Variants in MEMO1 observed in about 807,000 individuals in gnomAD.
MEMO1 encodes protein MEMO1.
Under a neutral mutation model 45.2 loss-of-function variants are expected in MEMO1, and 6 were observed. That is an observed-to-expected ratio of 0.13 (90% confidence interval 0.07 to 0.26). MEMO1 has a LOEUF of 0.26. Among genes scored for constraint, MEMO1 ranks in the 10% least tolerant of loss-of-function variants. The pLI is 1.00. For missense variants in MEMO1, 184 were observed against 370.5 expected (o/e 0.50, Z 4.13); for synonymous variants, 78 against 124.3 (o/e 0.63, Z 2.48).
intron 6 of MEMO1, among the ~76,000 whole-genome samples, chr2:31,901,898 G>C (rs544520158): frequency 1.3e-5 from 2 of 150,060 alleles, no homozygotes; most frequent in African/African-American, 2.5e-5. Flanking sequence ...GACAGAGCAA[G>C]ACTTCATCTC....
intron 6 of MEMO1, among the ~76,000 whole-genome samples, chr2:31,914,336 T>C (rs999724295): frequency 4.6e-5 from 7 of 152,086 alleles, no homozygotes; most frequent in Non-Finnish European, 1.0e-4. Flanking sequence ...AGAAGGATGA[T>C]TACCAGAGGC....
At chr2:31,994,062 G>A (rs906200342) in intron 2 of MEMO1, among the ~76,000 whole-genome samples, 1 of 138,268 alleles carries the variant, frequency 7.2e-6, no homozygotes, top group Non-Finnish European at 1.5e-5. Flanking sequence ...CCAGGTTCAA[G>A]TGATTCTTCT....
At chr2:31,973,999 G>A (rs1437189164) in intron 2 of MEMO1, among the ~76,000 whole-genome samples, 1 of 152,072 alleles carries the variant, frequency 6.6e-6, no homozygotes, top group Non-Finnish European at 1.5e-5. Flanking sequence ...AAAGAAAAAA[G>A]ACAATTTAGA....
intron 4 of MEMO1, among the ~76,000 whole-genome samples, chr2:31,927,837 A>G (rs768556667): frequency 2.0e-5 from 3 of 152,144 alleles, no homozygotes; most frequent in Non-Finnish European, 4.4e-5. Context: ...GGTGTCCTTA[A>G]TAAGTTAAGG....
chr2:31,975,615 A>C (rs896910032), intron 2 of MEMO1, among the ~76,000 whole-genome samples: 1 of 152,212 alleles, frequency 6.6e-6, no homozygotes, highest in African/African-American at 2.4e-5. Flanking sequence ...CACTTTAATG[A>C]TGAGCTAAGA....
chr2:31,996,154 G>A (rs769698838), intron 2 of MEMO1, among the ~76,000 whole-genome samples: 13 of 151,484 alleles, frequency 8.6e-5, no homozygotes, highest in Non-Finnish European at 8.8e-5. Context: ...TAGCACTTTC[G>A]GAGGGAGGAA....
chr2:31,974,914 T>TA (rs1323304455), intron 2 of MEMO1, among the ~76,000 whole-genome samples: 1 of 152,154 alleles, frequency 6.6e-6, no homozygotes, highest in African/African-American at 2.4e-5. Flanking sequence ...CTCATGCCTG[T>TA]AATCCCTGCA....
Position 31,915,732 on chromosome 2 carries a change from T to C in MEMO1, c.437+2194A>G, listed in dbSNP as rs544794348. Among the ~76,000 whole-genome samples the C allele has an allele frequency of 5.3e-5, 8 of 152,306 alleles. No homozygotes were observed. The South Asian group carries it at 1.5e-3, about 28-fold the overall frequency. ...GACACAGGAGTGATGCTATCTGAGA[T>C]ACTGTAGCCCCATTTGAGCCACCTA... On this transcript the variant is annotated intron_variant, in intron 6 of 9. Coordinates refer to ENST00000404530, the MANE Select transcript of MEMO1 (RefSeq NM_001301833.4).
intron 2 of MEMO1, among the ~76,000 whole-genome samples, chr2:31,943,939 G>A (rs13018592): frequency 0.15 from 22,631 of 151,992 alleles, 1,919 homozygotes; most frequent in African/African-American, 0.22. Context: ...AATTTTTCCA[G>A]TTCACTACCA....
At chr2:31,913,260 A>AG (rs1680883432) in intron 6 of MEMO1, among the ~76,000 whole-genome samples, 2 of 151,522 alleles carry the variant, frequency 1.3e-5, no homozygotes, top group South Asian at 4.1e-4. Flanking sequence ...AAAAAAAAAA[A>AG]AAAAAAAAAA....
At chr2:31,963,445 CCA>C in intron 2 of MEMO1, 1 of 616,452 alleles carries the variant, frequency 1.6e-6, no homozygotes, top group Non-Finnish European at 2.3e-6. Flanking sequence ...AAAATATTCC[CCA>C]GTTACTTTTG....
chr2:31,923,570 G>A (rs920894681), intron 4 of MEMO1: 29 of 1,401,402 alleles, frequency 2.1e-5, no homozygotes, highest in African/African-American at 7.4e-5. Flanking sequence ...AAAGGCTTAC[G>A]TGGGCTATAG....
At position 31,888,276 on chromosome 2, in the gene MEMO1, T is replaced by C. The variant is rs562330382; in HGVS notation, c.580+3716A>G. ...TCAGCCTCCCACATAGCTAGGACTATAGGCACAAACTACCATACCCGGTTC... is the reference window on the plus strand; with the variant it reads ...TCAGCCTCCCACATAGCTAGGACTACAGGCACAAACTACCATACCCGGTTC... On this transcript the variant is annotated intron_variant, in intron 7 of 9. Coordinates refer to ENST00000404530, the MANE Select transcript of MEMO1 (RefSeq NM_001301833.4). Among the ~76,000 whole-genome samples, 121 of 152,164 alleles carry C rather than the reference T, an allele frequency of 8.0e-4. 1 individual carries two copies. Among genetic ancestry groups the C allele is most frequent in the African/African-American group, 2.6e-3 (109 of 41,536 alleles).
At chr2:31,901,118 C>T (rs944123097) in intron 6 of MEMO1, among the ~76,000 whole-genome samples, 9 of 151,410 alleles carry the variant, frequency 5.9e-5, no homozygotes, top group Non-Finnish European at 1.3e-4. Context: ...ATGCCTATAA[C>T]CCTAACACTC....
chr2:31,994,974 G>A (rs1273610505), intron 2 of MEMO1, among the ~76,000 whole-genome samples: 1 of 145,350 alleles, frequency 6.9e-6, no homozygotes, highest in African/African-American at 2.5e-5. Flanking sequence ...AAGAGGGAGA[G>A]AGGAAGGGAG....
At chr2:31,957,999 C>T (rs894936684) in intron 2 of MEMO1, among the ~76,000 whole-genome samples, 1 of 152,080 alleles carries the variant, frequency 6.6e-6, no homozygotes, top group African/African-American at 2.4e-5. Flanking sequence ...AAAAAGAATC[C>T]CAGCAACCTC....
At chr2:31,975,445 A>G (rs996373318) in intron 2 of MEMO1, among the ~76,000 whole-genome samples, 14 of 152,302 alleles carry the variant, frequency 9.2e-5, no homozygotes, top group Admixed American at 7.8e-4. Flanking sequence ...CCAGTTATGT[A>G]AAAGCCCATA....
chr2:31,967,616 T>C (rs576447543), intron 2 of MEMO1, among the ~76,000 whole-genome samples: 8 of 152,150 alleles, frequency 5.3e-5, no homozygotes, highest in Admixed American at 4.6e-4. Context: ...ACCTGGCTAA[T>C]TATTTTTTGT....
intron 2 of MEMO1, among the ~76,000 whole-genome samples, chr2:31,969,263 C>CTATA (rs150028904): frequency 6.2e-5 from 9 of 145,434 alleles, no homozygotes; most frequent in African/African-American, 1.0e-4. Context: ...GGCTACAAAG[C>CTATA]TATATATATA....
Sources: gnomAD v4.1 joint callset for allele counts (sites outside exome capture counted in the v4.1 genomes callset) on GRCh38, gnomAD v4.1.1 for gene constraint, MANE v1.5 for transcripts, NCBI Gene and HGNC (gene_info 2026-07-23, HGNC 2026-07-21) for gene names.